PGLYRP4: variants seen among roughly 807,000 people sequenced by gnomAD.
PGLYRP4 encodes PGRP-I-beta.
A neutral mutation model predicts 41.2 loss-of-function variants in PGLYRP4; 39 were observed. The ratio of observed to expected loss-of-function variants is 0.95; its 90% CI spans 0.73 to 1.24. PGLYRP4 has a LOEUF of 1.24. PGLYRP4 is among the 50% of genes most tolerant of loss of function. PGLYRP4 has a pLI of 0.00. For missense variants in PGLYRP4, 467 were observed against 460.7 expected, an observed-to-expected ratio of 1.01 and a Z score of -0.13; for synonymous variants, 202 against 186.8, an observed-to-expected ratio of 1.08 and a Z score of -0.66.
chr1:153,346,342 C>T (rs1661008169), intron 2 of PGLYRP4, 151 bp from the exon 3 acceptor site: 3 of 654,648 alleles, frequency 4.6e-6, no homozygotes, highest in Non-Finnish European at 5.5e-6. Flanking sequence ...TCTGGGCTGA[C>T]CAGAGGGCCA....
intron 8 of PGLYRP4, among the ~76,000 whole-genome samples, chr1:153,332,057 C>A (rs1660361317): frequency 6.6e-6 from 1 of 152,064 alleles, no homozygotes; most frequent in Non-Finnish European, 1.5e-5. Flanking sequence ...CAACTGTATG[C>A]TGCTTACAAG....
chr1:153,333,755 T>G (rs1232603898), intron 8 of PGLYRP4, among the ~76,000 whole-genome samples: 1 of 152,166 alleles, frequency 6.6e-6, no homozygotes, highest in Non-Finnish European at 1.5e-5. Flanking sequence ...GCAGAGATGG[T>G]TCAACATATG....
intron 1 of PGLYRP4, 137 bp from the exon 2 acceptor site, chr1:153,348,115 T>G: frequency 1.7e-6 from 1 of 606,032 alleles, no homozygotes; most frequent in Admixed American, 3.0e-5. Context: ...TTCAGTCTTC[T>G]CAGGGCCCCC....
intron 3 of PGLYRP4, among the ~76,000 whole-genome samples, chr1:153,345,800 G>T (rs940062839): frequency 2.0e-5 from 3 of 152,170 alleles, no homozygotes; most frequent in Non-Finnish European, 2.9e-5. Flanking sequence ...CCCAGCAGGG[G>T]CTATGTCTCC....
chr1:153,335,731 A>AAATGAATG (rs71584105), intron 8 of PGLYRP4, among the ~76,000 whole-genome samples: 2 of 150,774 alleles, frequency 1.3e-5, no homozygotes, highest in South Asian at 2.1e-4. Context: ...CTAAATAAAT[A>AAATGAATG]AATAAATAAA....
intron 8 of PGLYRP4, 125 bp downstream of exon 8, chr1:153,337,056 A>G (rs1172915337): frequency 7.6e-6 from 6 of 791,048 alleles, no homozygotes; most frequent in South Asian, 4.2e-5. Flanking sequence ...GTTGGATTGG[A>G]AGCTGGGTCA....
chr1:153,335,221 T>C (rs965357130), intron 8 of PGLYRP4, among the ~76,000 whole-genome samples: 17 of 152,148 alleles, frequency 1.1e-4, no homozygotes, highest in Non-Finnish European at 1.5e-5. Flanking sequence ...AAAATATTTC[T>C]TCACAGCAAA....
At position 153,341,753 on chromosome 1, in the gene PGLYRP4, A is replaced by G. The variant is rs1387901483; in HGVS notation, c.499T>C (p.Ser167Pro). ...TAGGTGATTAGGTTTTCCATGGCCG[A>G]CAGGGCAGCAGGGCTGGGACTGTGG... ...KGHSPSPAALSAMENLITYAV... is the reference protein window; with the variant it reads ...KGHSPSPAALPAMENLITYAV... Residue 167 changes from serine to proline, a missense_variant, in exon 6 of 9, where the codon TCG becomes CCG. By Grantham distance (74) the Ser-to-Pro change is moderately conservative. Coordinates refer to ENST00000359650, the MANE Select transcript of PGLYRP4 (RefSeq NM_020393.4). The G allele has an allele frequency of 6.2e-7, 1 of 1,613,968 alleles. No individual in the cohort carries two copies. The highest frequency in any genetic ancestry group is 1.7e-5 in the Admixed American group (1 of 60,022).
At position 153,339,894 on chromosome 1, in the gene PGLYRP4, A is replaced by G. The variant is rs996216638; in HGVS notation, c.824+487T>C. Among the ~76,000 whole-genome samples the G allele has an allele frequency of 2.0e-5, 3 of 152,202 alleles. No individual in the cohort carries two copies. The East Asian group carries it at 5.8e-4, about 29-fold the overall frequency. Reference sequence around the variant, plus strand: ...TTTGGTCTCTCCCCCGCCTTCAGACAGGAAGGATATCCTTCCCAAGGAAGT... The same window carrying G: ...TTTGGTCTCTCCCCCGCCTTCAGACGGGAAGGATATCCTTCCCAAGGAAGT... On this transcript the variant is annotated intron_variant, in intron 7 of 8. Transcript: ENST00000359650.
chr1:153,345,789 C>A (rs916085227), intron 3 of PGLYRP4, among the ~76,000 whole-genome samples: 4 of 152,166 alleles, frequency 2.6e-5, no homozygotes, highest in African/African-American at 9.7e-5. Context: ...CATCTTCTCC[C>A]CCCAGCAGGG....
At chr1:153,343,989 T>C (rs984967555) in intron 4 of PGLYRP4, among the ~76,000 whole-genome samples, 2 of 152,092 alleles carry the variant, frequency 1.3e-5, no homozygotes, top group Admixed American at 1.3e-4. Flanking sequence ...ATAAGGAAGC[T>C]AAAAGCAGAC....
At chr1:153,344,983 A>G in intron 4 of PGLYRP4, 186 bp downstream of exon 4, 2 of 586,478 alleles carry the variant, frequency 3.4e-6, no homozygotes, top group Non-Finnish European at 6.1e-6. Context: ...GAGCTCTCAG[A>G]GACAGGCACC....
chr1:153,340,435 C>T lies in PGLYRP4; in HGVS notation c.770G>A (p.Arg257Gln), dbSNP rs745874031. The T allele has an allele frequency of 9.9e-6, 16 of 1,614,020 alleles. No homozygotes were observed. The East Asian group carries it at 1.8e-4, about 18-fold the overall frequency. The change falls in exon 7 of 9, where the codon CGG becomes CAG. Residue 257 changes from arginine to glutamine, a missense_variant. Arg to Gln is a conservative substitution (Grantham distance 43). Coordinates refer to ENST00000359650, the MANE Select transcript of PGLYRP4 (RefSeq NM_020393.4). ...GTCTATGTAGAAAGACTGGATGTCC[C>T]GGACCAGCAGGCGGCACTCATCAGA... ...NISDECRLLV[R>Q]DIQSFYIDRL...
At chr1:153,342,680 GA>G (rs1660848934) in intron 5 of PGLYRP4, among the ~76,000 whole-genome samples, 1 of 151,820 alleles carries the variant, frequency 6.6e-6, no homozygotes, top group Non-Finnish European at 1.5e-5. Context: ...CTAGGAGTAA[GA>G]GATGAAAGGA....
Position 153,343,095 on chromosome 1 carries a change from T to G in PGLYRP4, c.467A>C (p.Lys156Thr). 6.3e-7 allele frequency: 1 copy of G among 1,593,244 alleles called. No homozygotes were observed. The highest frequency in any genetic ancestry group is 8.6e-7 in the Non-Finnish European group (1 of 1,161,096). Residue 156 changes from lysine to threonine, a missense_variant, in exon 5 of 9, where the codon AAG (lysine) becomes ACG (threonine). Lys to Thr is a moderately conservative substitution (Grantham distance 78, BLOSUM62 -1). Coordinates refer to ENST00000359650, the MANE Select transcript of PGLYRP4 (RefSeq NM_020393.4). The part of the protein sequence containing the change: ...ISLGFAFFGT[K>T]KGHSPSPAAL... Reference sequence around the variant, plus strand: ...TCAGCTGTGATAACTGTTACCTTTCTTAGTGCCAAAGAAGGCAAAGCCCAG... The same window carrying G: ...TCAGCTGTGATAACTGTTACCTTTCGTAGTGCCAAAGAAGGCAAAGCCCAG...
chr1:153,340,755 C>T (rs1365380530), intron 6 of PGLYRP4, among the ~76,000 whole-genome samples, 176 bp from the exon 7 acceptor site: 1 of 152,128 alleles, frequency 6.6e-6, no homozygotes, highest in East Asian at 1.9e-4. Context: ...GACAGTGTCC[C>T]GCAGTGGGAC....
At chr1:153,334,464 T>TA (rs1553197034) in intron 8 of PGLYRP4, among the ~76,000 whole-genome samples, 1 of 57,164 alleles carries the variant, frequency 1.7e-5, no homozygotes, top group African/African-American at 6.3e-5. Flanking sequence ...ATATATATAT[T>TA]TATTTATATA....
chr1:153,344,710 T>C (rs1660930357), intron 4 of PGLYRP4, among the ~76,000 whole-genome samples: 1 of 152,166 alleles, frequency 6.6e-6, no homozygotes, highest in Admixed American at 6.5e-5. Context: ...CCCATGTGTG[T>C]GGTGTGGAGG....
chr1:153,340,489 A>T lies in PGLYRP4; in HGVS notation c.716T>A (p.Ile239Asn). ...MTLPAKYGII[I>N]HTAGRTCNIS... ...GTTGCAGGTCCTCCCGGCAGTGTGG[A>T]TAATGATGCCATACTTCGCTGGGAG... Residue 239 changes from isoleucine to asparagine, a missense_variant, in exon 7 of 9, where the codon ATC becomes AAC. Transcript: ENST00000359650. 1 of 1,614,152 alleles carries T rather than the reference A, an allele frequency of 6.2e-7. No individual in the cohort carries two copies. Among genetic ancestry groups the T allele is most frequent in the South Asian group, 1.1e-5 (1 of 91,076 alleles).
Sources: allele counts gnomAD v4.1 joint callset (sites outside exome capture counted in the v4.1 genomes callset), GRCh38; gene constraint gnomAD v4.1.1; transcripts MANE v1.5; gene names NCBI Gene and HGNC (gene_info 2026-07-23, HGNC 2026-07-21).